The following PSTPIP2 variants were observed in gnomAD, a reference collection of about 807,000 sequenced individuals.
PSTPIP2 encodes the protein proline-serine-threonine phosphatase interacting protein 2.
In PSTPIP2, 33 loss-of-function variants were observed where a neutral mutation model predicts 63.3. The ratio of observed to expected loss-of-function variants is 0.52; its 90% confidence interval spans 0.40 to 0.70. PSTPIP2 has a LOEUF of 0.70. PSTPIP2 is among the 30% of genes least tolerant of loss of function. The probability of loss-of-function intolerance (pLI) is 0.00; values close to 1 mark genes in which losing one functional copy is unlikely to be tolerated. For missense variants in PSTPIP2, 312 were observed against 400.7 expected (o/e 0.78, Z 1.89); for synonymous variants, 125 against 132.7 (o/e 0.94, Z 0.40).
intron 1 of PSTPIP2, among the ~76,000 whole-genome samples, chr18:46,047,845 T>C (rs1044957060): frequency 6.6e-6 from 1 of 152,248 alleles, no homozygotes; most frequent in African/African-American, 2.4e-5. Context: ...ATGGATTTAG[T>C]ATTCATTTGA....
chr18:46,065,343 G>A (rs1909149313), intron 1 of PSTPIP2, among the ~76,000 whole-genome samples: 1 of 151,302 alleles, frequency 6.6e-6, no homozygotes, highest in African/African-American at 2.4e-5. Context: ...CCAGGCTGGA[G>A]TGCAGTGGCA....
At chr18:46,013,174 G>A (rs759469737) in intron 4 of PSTPIP2, among the ~76,000 whole-genome samples, 88 of 152,170 alleles carry the variant, frequency 5.8e-4, no homozygotes, top group Non-Finnish European at 1.2e-3. Flanking sequence ...CCCAGCCTAC[G>A]CTGAGGTTTG....
At chr18:46,008,030 T>C (rs746698044) in intron 5 of PSTPIP2, among the ~76,000 whole-genome samples, 75 of 152,246 alleles carry the variant, frequency 4.9e-4, no homozygotes, top group Non-Finnish European at 9.3e-4. Context: ...GTGACCCCAG[T>C]GAGCCAAAGG....
chr18:46,071,456 C>A (rs1420304604), intron 1 of PSTPIP2, among the ~76,000 whole-genome samples: 1 of 152,126 alleles, frequency 6.6e-6, no homozygotes, highest in Non-Finnish European at 1.5e-5. Context: ...GCTGGGCTGG[C>A]CCTACCGGGC....
chr18:46,005,714 G>A (rs184425341), intron 5 of PSTPIP2, among the ~76,000 whole-genome samples, 183 bp from the exon 6 acceptor site: 2 of 152,212 alleles, frequency 1.3e-5, no homozygotes, highest in East Asian at 3.9e-4. Flanking sequence ...CTAATAACGG[G>A]GCCCATCTTT....
At chr18:46,062,417 G>T (rs1909023238) in intron 1 of PSTPIP2, among the ~76,000 whole-genome samples, 1 of 151,938 alleles carries the variant, frequency 6.6e-6, no homozygotes, top group African/African-American at 2.4e-5. Context: ...GAGGTGGGTG[G>T]ATCATGTGAG....
At chr18:46,024,752 C>A in intron 2 of PSTPIP2, 66 bp from the exon 3 acceptor site, 1 of 1,352,700 alleles carries the variant, frequency 7.4e-7, no homozygotes, top group Non-Finnish European at 1.1e-6. Context: ...GACACAATGA[C>A]CCTCCCTTGG....
chr18:45,993,621 CATT>C lies in PSTPIP2; in HGVS notation c.722_724del (p.Gln241_Cys242delinsArg). 1.2e-6 allele frequency: 2 copies of C among 1,613,998 alleles called. No individual in the cohort carries two copies. The highest frequency in any genetic ancestry group is 1.7e-6 in the Non-Finnish European group (2 of 1,179,870). ...CTGACTTACTTCATCACTGGTGACA[CATT>C]GTTGTGACAGCTGATTCACATGTAA... On this transcript the variant is annotated inframe_deletion, in exon 10 of 15. Coordinates refer to ENST00000409746, the MANE Select transcript of PSTPIP2 (RefSeq NM_024430.4).
chr18:46,013,463 G>A (rs980721171), intron 4 of PSTPIP2, among the ~76,000 whole-genome samples: 5 of 152,072 alleles, frequency 3.3e-5, no homozygotes, highest in African/African-American at 1.2e-4. Flanking sequence ...TTTAGAGGCA[G>A]GTTCTGAGTA....
At chr18:46,026,965 G>A (rs983527367) in intron 2 of PSTPIP2, among the ~76,000 whole-genome samples, 1 of 152,052 alleles carries the variant, frequency 6.6e-6, no homozygotes, top group African/African-American at 2.4e-5. Context: ...AAATAGGAAG[G>A]ATGAACAGAT....
intron 5 of PSTPIP2, among the ~76,000 whole-genome samples, chr18:46,009,602 G>C (rs912978637): frequency 4.6e-5 from 7 of 152,174 alleles, no homozygotes; most frequent in Non-Finnish European, 8.8e-5. Flanking sequence ...GCAGAGTTCA[G>C]TTCTAGCTTA....
intron 7 of PSTPIP2, among the ~76,000 whole-genome samples, chr18:45,999,194 G>C (rs1214181769): frequency 6.6e-6 from 1 of 152,044 alleles, no homozygotes; most frequent in African/African-American, 2.4e-5. Context: ...GACAACAACT[G>C]GGAAATCCCT....
At chr18:46,018,142 T>C (rs2051870658) in intron 3 of PSTPIP2, among the ~76,000 whole-genome samples, 1 of 152,220 alleles carries the variant, frequency 6.6e-6, no homozygotes, top group Non-Finnish European at 1.5e-5. Flanking sequence ...ATACTATACA[T>C]ACTTGTTTTT....
chr18:46,071,419 G>A (rs1909388248), intron 1 of PSTPIP2, among the ~76,000 whole-genome samples: 1 of 152,178 alleles, frequency 6.6e-6, no homozygotes, highest in Admixed American at 6.5e-5. Context: ...GACAGAGGAG[G>A]GGGACAGGCA....
intron 1 of PSTPIP2, among the ~76,000 whole-genome samples, chr18:46,056,726 CTAAAGAAA>C (rs1432848124): frequency 6.6e-6 from 1 of 152,038 alleles, no homozygotes; most frequent in Non-Finnish European, 1.5e-5. Context: ...GACCCTGTCT[CTAAAGAAA>C]TAAAGTTTTG....
Position 46,071,533 on chromosome 18 carries a change from G to T in PSTPIP2, c.33+623C>A, listed in dbSNP as rs367771742. ...ATCAGCCCCGCTATGGGGCCTGGAC[G>T]GAAGGGCTGGGGCAATGGCCTGGGG... On this transcript the variant is annotated intron_variant, in intron 1 of 14. Coordinates refer to ENST00000409746, the MANE Select transcript of PSTPIP2 (RefSeq NM_024430.4). Among the ~76,000 whole-genome samples the T allele has an allele frequency of 1.2e-4, 18 of 152,280 alleles. No homozygotes were observed. In the East Asian group the frequency reaches 2.5e-3, roughly 21 times the overall value.
intron 1 of PSTPIP2, among the ~76,000 whole-genome samples, chr18:46,053,648 T>A (rs1908654169): frequency 6.6e-6 from 1 of 152,218 alleles, no homozygotes; most frequent in African/African-American, 2.4e-5. Flanking sequence ...AGTTGAAAAC[T>A]TATACCCACA....
chr18:46,000,527 C>T (rs1006948147), intron 6 of PSTPIP2, among the ~76,000 whole-genome samples: 1 of 152,110 alleles, frequency 6.6e-6, no homozygotes, highest in Non-Finnish European at 1.5e-5. Flanking sequence ...AACATCATGC[C>T]CCGCTGATTT....
chr18:46,034,207 A>G (rs1332358321), intron 2 of PSTPIP2, among the ~76,000 whole-genome samples: 1 of 152,126 alleles, frequency 6.6e-6, no homozygotes, highest in South Asian at 2.1e-4. Context: ...GGGGCTGTGG[A>G]TCCCCTAGAG....
Sources: allele counts gnomAD v4.1 joint callset (sites outside exome capture counted in the v4.1 genomes callset), GRCh38; gene constraint gnomAD v4.1.1; transcripts MANE v1.5; gene names NCBI Gene and HGNC (gene_info 2026-07-23, HGNC 2026-07-21).